The following POU2F2 variants were observed in gnomAD, a reference collection of about 807,000 sequenced individuals.
POU2F2 encodes POU domain, class 2, transcription factor 2.
A neutral mutation model predicts 63.5 loss-of-function variants in POU2F2; 14 were observed. The observed-to-expected ratio is 0.22, with a 90% CI of 0.15 to 0.34. The LOEUF (loss-of-function observed/expected upper bound fraction) is 0.34. Among genes scored for constraint, POU2F2 ranks in the 10% least tolerant of loss-of-function variants. The pLI is 1.00. For missense variants in POU2F2, 607 were observed against 815.2 expected, an observed-to-expected ratio of 0.74 and a Z score of 3.11; for synonymous variants, 306 against 348.6, an observed-to-expected ratio of 0.88 and a Z score of 1.36.
In POU2F2 at chr19:42,095,003, C is replaced by A. The variant is rs2076864076; in HGVS notation, c.1197+283G>T. 6.6e-6 allele frequency among the ~76,000 whole-genome samples: 1 copy of A among 152,194 alleles called. No homozygotes were observed. The highest frequency in any genetic ancestry group is 1.5e-5 in the Non-Finnish European group (1 of 68,038). ...AGCCTGTGTGTTCTAACCTGGACCA[C>A]GTCCCTGGACATATATCCCTTCCTG... On this transcript the variant is annotated intron_variant, in intron 11 of 14. Transcript: ENST00000692977. This position sits in a 1 kb window ranked among gnomAD's most constrained non-coding sequence, Gnocchi z 7.1.
chr19:42,191,345 C>T (rs778107169), intron 1 of POU2F2, among the ~76,000 whole-genome samples: 1 of 152,200 alleles, frequency 6.6e-6, no homozygotes, highest in Non-Finnish European at 1.5e-5. Flanking sequence ...CTGACAGTGG[C>T]TGTGCCCCTC....
chr19:42,099,889 C>T, intron 5 of POU2F2, 68 bp from the exon 6 acceptor site: 1 of 1,312,160 alleles, frequency 7.6e-7, no homozygotes, highest in Non-Finnish European at 1.1e-6. Flanking sequence ...CTCTGCATCA[C>T]CTGAACCTTG....
chr19:42,093,487 T>G, intron 12 of POU2F2: 1 of 238,580 alleles, frequency 4.2e-6, no homozygotes, highest in East Asian at 8.1e-5. Flanking sequence ...GTTTTACACA[T>G]TCATAATAAT....
At chr19:42,172,538 C>A (rs534028222) in intron 1 of POU2F2, among the ~76,000 whole-genome samples, 4 of 152,292 alleles carry the variant, frequency 2.6e-5, no homozygotes, top group African/African-American at 9.6e-5. Flanking sequence ...TCCCGAGGAT[C>A]TAATGAAGTT....
At chr19:42,146,624 A>T (rs775652666) in intron 2 of POU2F2, among the ~76,000 whole-genome samples, 39 of 148,554 alleles carry the variant, frequency 2.6e-4, no homozygotes, top group Non-Finnish European at 4.7e-4. Context: ...CCTTACTCAG[A>T]GCTCACCTCC....
chr19:42,134,113 G>A (rs948975451), upstream of POU2F2, among the ~76,000 whole-genome samples: 2 of 151,940 alleles, frequency 1.3e-5, no homozygotes, highest in Non-Finnish European at 2.9e-5. Context: ...CCTGGTAGCA[G>A]TGGACACTGG....
rs2034381440 is a variant in POU2F2 at position 42,152,853 on chromosome 19, G to A, written c.-9+7479C>T. The A allele has an allele frequency of 6.6e-6, 1 of 152,398 alleles. No individual in the cohort carries two copies. Among genetic ancestry groups the A allele is most frequent in the Admixed American group, 6.5e-5 (1 of 15,286 alleles). The allele number at this position is 152,398 out of a possible 1,614,324, so 9.4% of individuals were successfully genotyped here. A position where few individuals can be genotyped will look rare whatever the true frequency, so the allele number is the denominator to read the frequency against. ...GCTCAGAAAGATGGGGCCCTTTGAA[G>A]GTGTGTGACGGACAGAGCTCTGGGA... On this transcript the variant is annotated intron_variant, in intron 2 of 6. Transcript: ENST00000524801. The surrounding 1 kb of genome is among the most constrained non-coding windows in gnomAD (Gnocchi z 4.1).
intron 2 of POU2F2, among the ~76,000 whole-genome samples, chr19:42,157,738 A>G (rs1485761023): frequency 6.6e-6 from 1 of 152,246 alleles, no homozygotes; most frequent in Admixed American, 6.5e-5. Context: ...CCCATGGGTC[A>G]AGAAAGGCCC....
intron 4 of POU2F2, among the ~76,000 whole-genome samples, chr19:42,121,457 G>A (rs2146616398): frequency 6.6e-6 from 1 of 152,304 alleles, no homozygotes; most frequent in Admixed American, 6.5e-5. Context: ...CATGGTCACA[G>A]AGCAAAGCTG....
chr19:42,099,071 G>A (rs1372656349), intron 7 of POU2F2, among the ~76,000 whole-genome samples: 1 of 152,232 alleles, frequency 6.6e-6, no homozygotes, highest in East Asian at 1.9e-4. Context: ...AAAGACACCT[G>A]TGGGCCTTGT....
At chr19:42,187,842 A>G (rs1243221400) in intron 1 of POU2F2, among the ~76,000 whole-genome samples, 3 of 151,634 alleles carry the variant, frequency 2.0e-5, no homozygotes, top group Non-Finnish European at 4.4e-5. Flanking sequence ...GGGAGAAGAG[A>G]AGAGAACCAT....
chr19:42,096,363 T>G lies in POU2F2; in HGVS notation c.568-120A>C. The G allele has an allele frequency of 9.7e-7, 1 of 1,032,296 alleles. No homozygotes were observed. Among genetic ancestry groups the G allele is most frequent in the South Asian group, 1.7e-5 (1 of 60,204 alleles). 63.9% of individuals were successfully genotyped at this position (1,032,296 alleles called of 1,614,324 possible). A position where few individuals can be genotyped will look rare whatever the true frequency, so the allele number is the denominator to read the frequency against. On this transcript the variant is annotated intron_variant, in intron 7 of 14. Coordinates refer to ENST00000692977, the MANE Select transcript of POU2F2 (RefSeq NM_001394376.1). This position sits in a 1 kb window ranked among gnomAD's most constrained non-coding sequence, Gnocchi z 4.1. ...TGCGTTCCATCCGCCGCCTGCAGAC[T>G]CCCCCCGCCTTCCTCCACAAGCACC...
chr19:42,147,961 C>T (rs529327250), intron 2 of POU2F2, among the ~76,000 whole-genome samples: 1 of 152,194 alleles, frequency 6.6e-6, no homozygotes, highest in South Asian at 2.1e-4. Flanking sequence ...CAGGAGAAGC[C>T]CCCTTCCCAG....
At position 42,095,602 on chromosome 19, in the gene POU2F2, C is replaced by T. The variant is rs763830085; in HGVS notation, c.963G>A (p.Lys321=). The T allele has an allele frequency of 4.3e-5, 69 of 1,612,918 alleles. No individual in the cohort carries two copies. Among genetic ancestry groups the T allele is most frequent in the Non-Finnish European group, 5.8e-5 (68 of 1,179,770 alleles). Residue 321 remains lysine (K), a synonymous_variant, in exon 10 of 15, where the codon AAG becomes AAA. Coordinates refer to ENST00000692977, the MANE Select transcript of POU2F2 (RefSeq NM_001394376.1). The surrounding 1 kb of genome is among the most constrained non-coding windows in gnomAD (Gnocchi z 7.1). ...GFDGLPGRRR[K]KRTSIETNVR... ...CGTTTGTCTCGATGCTGGTCCTCTT[C>T]TTGCGTCTCCGGCCGGGCAGGCCGT...
At chr19:42,187,314 A>G (rs545001016) in intron 1 of POU2F2, among the ~76,000 whole-genome samples, 138 of 151,748 alleles carry the variant, frequency 9.1e-4, no homozygotes, top group African/African-American at 3.2e-3. Flanking sequence ...AAATACAAAA[A>G]ATTAGTCGGG....
At chr19:42,114,432 A>T (rs1174678081) in intron 5 of POU2F2, among the ~76,000 whole-genome samples, 1 of 152,082 alleles carries the variant, frequency 6.6e-6, no homozygotes, top group Non-Finnish European at 1.5e-5. Context: ...AAGGGAGCAG[A>T]CTTCCCGGGA....
rs999775172 is a variant in POU2F2, at chr19:42,141,700, G to A, written c.-9+18632C>T. Among the ~76,000 whole-genome samples, 10 of 151,930 alleles carry A rather than the reference G, an allele frequency of 6.6e-5. 1 individual carries two copies. Among genetic ancestry groups the A allele is most frequent in the African/African-American group, 1.5e-4 (6 of 41,352 alleles). On this transcript the variant is annotated intron_variant, in intron 2 of 6. Coordinates refer to the POU2F2 transcript ENST00000524801. ...TCTCCATGTTGGTCAGGCTGGTCTC[G>A]AACTCCCAACCTCAAGTGATCCACC...
intron 1 of POU2F2, 82 bp downstream of exon 1, chr19:42,132,302 G>A (rs1369398541): frequency 6.7e-7 from 1 of 1,481,626 alleles, no homozygotes; most frequent in Non-Finnish European, 9.2e-7. Context: ...CAGCTGAGGA[G>A]GAGGGGCAGG....
At chr19:42,110,040 T>A (rs1341652152) in intron 5 of POU2F2, among the ~76,000 whole-genome samples, 1 of 152,036 alleles carries the variant, frequency 6.6e-6, no homozygotes, top group Non-Finnish European at 1.5e-5. Context: ...GAGGATCACT[T>A]GAGGCCAGAA....
Sources: allele counts gnomAD v4.1 joint callset (sites outside exome capture counted in the v4.1 genomes callset), GRCh38; gene constraint gnomAD v4.1.1; non-coding constraint Gnocchi (gnomAD v3.1); transcripts MANE v1.5; gene names NCBI Gene and HGNC (gene_info 2026-07-23, HGNC 2026-07-21).